Variants in RAB40B observed in about 807,000 individuals in gnomAD.
RAB40B encodes ras-related protein Rab-40B.
A neutral mutation model predicts 24.0 loss-of-function variants in RAB40B; 21 were observed. The ratio of observed to expected loss-of-function variants is 0.88; its 90% CI spans 0.62 to 1.26. RAB40B has a LOEUF of 1.26. RAB40B is among the 50% of genes most tolerant of loss of function. The pLI is 0.00. For synonymous variants in RAB40B, 167 were observed against 169.8 expected, an observed-to-expected ratio of 0.98 and a Z score of 0.13; for missense variants, 348 against 390.5, an observed-to-expected ratio of 0.89 and a Z score of 0.92.
rs1195134461 is a variant in RAB40B at position 82,657,649 on chromosome 17, C to T, written c.*214G>A. ...GAGCAGAGTACTAATTTTCCCTTTA[C>T]AAACACACATCGAAAACAAGAGCTT... On this transcript the variant is annotated 3_prime_UTR_variant, in exon 6 of 6. Transcript: ENST00000571995. The T allele has an allele frequency of 1.4e-6, 1 of 697,170 alleles. No individual in the cohort carries two copies. Among genetic ancestry groups the T allele is most frequent in the Non-Finnish European group, 2.6e-6 (1 of 381,984 alleles). 43.2% of individuals were successfully genotyped at this position (697,170 alleles called of 1,614,324 possible).
At chr17:82,685,867 G>C (rs2244551) in intron 1 of RAB40B, among the ~76,000 whole-genome samples, 4 of 149,908 alleles carry the variant, frequency 2.7e-5, no homozygotes, top group African/African-American at 9.8e-5. Context: ...GCGATGGTGC[G>C]ATCTCAGCTC....
chr17:82,694,744 C>A (rs960357392), intron 1 of RAB40B, among the ~76,000 whole-genome samples: 1 of 151,682 alleles, frequency 6.6e-6, no homozygotes, highest in Non-Finnish European at 1.5e-5. Context: ...CTCAGGCTTC[C>A]CCACAGCACA....
intron 1 of RAB40B, among the ~76,000 whole-genome samples, chr17:82,683,725 G>C (rs2046467135): frequency 6.7e-6 from 1 of 149,084 alleles, no homozygotes; most frequent in Non-Finnish European, 1.5e-5. Context: ...GATCACTTGA[G>C]CCCAGTAGGT....
At chr17:82,665,906 A>C (rs1386482366) in intron 1 of RAB40B, among the ~76,000 whole-genome samples, 54 of 130,810 alleles carry the variant, frequency 4.1e-4, no homozygotes, top group Non-Finnish European at 7.6e-4. Context: ...AAAAAAAAAA[A>C]AAAAAAAACT....
chr17:82,698,330 C>T, intron 1 of RAB40B, 125 bp downstream of exon 1: 1 of 922,874 alleles, frequency 1.1e-6, no homozygotes, highest in Non-Finnish European at 1.4e-6. Context: ...GCGCCCCGGC[C>T]TCTTCCCGAC....
intron 1 of RAB40B, among the ~76,000 whole-genome samples, chr17:82,668,821 C>T (rs1251269552): frequency 1.3e-5 from 2 of 152,244 alleles, no homozygotes; most frequent in South Asian, 4.1e-4. Flanking sequence ...GGAGCTGCTG[C>T]CTGATCCGTG....
At chr17:82,682,520 A>C (rs961835811) in intron 1 of RAB40B, among the ~76,000 whole-genome samples, 2 of 152,204 alleles carry the variant, frequency 1.3e-5, no homozygotes, top group Non-Finnish European at 2.9e-5. Flanking sequence ...CCAATCAAAA[A>C]TCCTAGCAGG....
Position 82,675,495 on chromosome 17 carries a change from G to A in RAB40B, c.143-10939C>T, listed in dbSNP as rs2046386079. Among the ~76,000 whole-genome samples the A allele has an allele frequency of 2.0e-5, 3 of 152,178 alleles. 1 individual carries two copies. In the South Asian group the frequency reaches 6.2e-4, roughly 32 times the overall value. On this transcript the variant is annotated intron_variant, in intron 1 of 5. Transcript: ENST00000571995. The surrounding 1 kb of genome is among the most constrained non-coding windows in gnomAD (Gnocchi z 4.5). ...CCCCATACTTCAGAACTGGGGGTGGGGCAGGGTAGGGTAGTACCTTAGCCA... is the reference window on the plus strand; with the variant it reads ...CCCCATACTTCAGAACTGGGGGTGGAGCAGGGTAGGGTAGTACCTTAGCCA...
chr17:82,668,683 C>T (rs1463588369), intron 1 of RAB40B, among the ~76,000 whole-genome samples: 2 of 152,224 alleles, frequency 1.3e-5, no homozygotes, highest in Non-Finnish European at 2.9e-5. Flanking sequence ...GAGGAGAGGC[C>T]AGGCATTTGG....
intron 1 of RAB40B, among the ~76,000 whole-genome samples, chr17:82,678,766 C>T (rs1480891870): frequency 1.3e-5 from 2 of 151,978 alleles, no homozygotes; most frequent in Non-Finnish European, 2.9e-5. Context: ...TGGAAGTGGC[C>T]GGTGCTGACG....
intron 1 of RAB40B, among the ~76,000 whole-genome samples, chr17:82,683,805 CAAAAAAAAA>C (rs35145848): frequency 2.2e-5 from 2 of 90,800 alleles, no homozygotes; most frequent in Non-Finnish European, 4.4e-5. Flanking sequence ...ACCCTGTTTC[CAAAAAAAAA>C]AAAAAAAAAG....
At chr17:82,660,263 A>C (rs1174745496) in intron 3 of RAB40B, among the ~76,000 whole-genome samples, 2 of 151,388 alleles carry the variant, frequency 1.3e-5, no homozygotes, top group African/African-American at 2.4e-5. Context: ...GCATGCACAT[A>C]AACAGGCAAG....
At chr17:82,674,714 A>G (rs1226892270) in intron 1 of RAB40B, among the ~76,000 whole-genome samples, 2 of 151,702 alleles carry the variant, frequency 1.3e-5, no homozygotes, top group African/African-American at 2.4e-5. Flanking sequence ...TGAACGGGGG[A>G]GGGGCCTCCT....
chr17:82,659,739 A>G, intron 3 of RAB40B, 82 bp from the exon 4 acceptor site: 2 of 1,056,094 alleles, frequency 1.9e-6, no homozygotes, highest in South Asian at 2.6e-5. Flanking sequence ...CATACAACTA[A>G]ATAACCACTT....
rs2046276827 is a variant in RAB40B at position 82,667,816 on chromosome 17, G to A, written c.143-3260C>T. 6.6e-6 allele frequency among the ~76,000 whole-genome samples: 1 copy of A among 152,214 alleles called. No individual in the cohort carries two copies. The highest frequency in any genetic ancestry group is 2.4e-5 in the African/African-American group (1 of 41,460). On this transcript the variant is annotated intron_variant, in intron 1 of 5. Transcript: ENST00000571995. The surrounding 1 kb of genome is among the most constrained non-coding windows in gnomAD (Gnocchi z 4.3). ...TGCCCCGTGATGAGGCTCAGACAGA[G>A]CGGCCAAGCAGTCCCCTGACCCACC...
At chr17:82,661,823 G>A in intron 2 of RAB40B, 1 of 731,648 alleles carries the variant, frequency 1.4e-6, no homozygotes, top group Non-Finnish European at 1.7e-6. Flanking sequence ...GCAGGCGGAG[G>A]TTGCAGTGAG....
chr17:82,672,190 C>T (rs111174354), intron 1 of RAB40B, among the ~76,000 whole-genome samples: 24 of 55,282 alleles, frequency 4.3e-4, no homozygotes, highest in South Asian at 1.4e-3. Flanking sequence ...TCACATGCTC[C>T]CTGTACTCAC....
At chr17:82,664,697 G>T in intron 1 of RAB40B, 141 bp from the exon 2 acceptor site, 2 of 771,682 alleles carry the variant, frequency 2.6e-6, no homozygotes, top group South Asian at 1.7e-5. Context: ...CCCTCCCTGT[G>T]TCTGCCCAAG....
rs1040095925 is a variant in RAB40B, at chr17:82,659,640, A to G, written c.282T>C (p.Tyr94=). 1.2e-6 allele frequency: 2 copies of G among 1,614,188 alleles called. No homozygotes were observed. The highest frequency in any genetic ancestry group is 4.5e-5 in the East Asian group (2 of 44,890). The part of the protein sequence containing the change: ...SRGAQGVILV[Y]DIANRWSFDG... ...CAAAAGACCAGCGGTTCGCAATGTCATAGACCAGGATCACACCCTGGGGGA... is the reference window on the plus strand; with the variant it reads ...CAAAAGACCAGCGGTTCGCAATGTCGTAGACCAGGATCACACCCTGGGGGA... Residue 94 remains tyrosine, a synonymous_variant, in exon 4 of 6, where the codon TAT becomes TAC. Transcript: ENST00000571995.
Sources: gnomAD v4.1 joint callset for allele counts (sites outside exome capture counted in the v4.1 genomes callset) on GRCh38, gnomAD v4.1.1 for gene constraint, Gnocchi (gnomAD v3.1) non-coding constraint, MANE v1.5 for transcripts, NCBI Gene and HGNC (gene_info 2026-07-23, HGNC 2026-07-21) for gene names.